Variants in ZNF248 observed in about 807,000 individuals in gnomAD.
ZNF248 encodes the protein zinc finger protein 248, also known as KRAB protein domain.
In ZNF248, 20 loss-of-function variants were observed where a neutral mutation model predicts 44.3. The ratio of observed to expected loss-of-function variants is 0.45; its 90% CI spans 0.32 to 0.66. The LOEUF (loss-of-function observed/expected upper bound fraction) is 0.66. ZNF248 is among the 30% of genes least tolerant of loss of function. ZNF248 has a pLI of 0.04. For synonymous variants in ZNF248, 224 were observed against 229.0 expected (o/e 0.98, Z 0.20); for missense variants, 654 against 677.0 (o/e 0.97, Z 0.38).
At chr10:37,819,475 T>G in intron 6 of ZNF248, 1 of 1,500,174 alleles carries the variant, frequency 6.7e-7, no homozygotes, top group Middle Eastern at 2.3e-4. Context: ...TTTGCTCTAT[T>G]AGTTCAAATG....
Position 37,829,236 on chromosome 10 carries a change from G to A in ZNF248, c.*2379C>T. 11 of 985,418 alleles carry A rather than the reference G, an allele frequency of 1.1e-5. No homozygotes were observed. The highest frequency in any genetic ancestry group is 1.3e-5 in the Non-Finnish European group (11 of 829,964). 61.0% of individuals were successfully genotyped at this position (985,418 alleles called of 1,614,324 possible). A position where few individuals can be genotyped will look rare whatever the true frequency, so the allele number is the denominator to read the frequency against. On this transcript the variant is annotated 3_prime_UTR_variant, in exon 6 of 6. Coordinates refer to ENST00000395867, the MANE Select transcript of ZNF248 (RefSeq NM_021045.3). ...ATGACAGCAGTTCTTACTGGGCTCT[G>A]GTAACACTGTTTCCCTCCTTGCCCT...
intron 5 of ZNF248, among the ~76,000 whole-genome samples, chr10:37,835,719 C>T (rs1042895902): frequency 2.0e-5 from 3 of 152,146 alleles, no homozygotes; most frequent in Admixed American, 1.3e-4. Flanking sequence ...GCTGCAACCA[C>T]GACCATATGT....
chr10:37,836,781 C>G (rs1160024760), intron 5 of ZNF248, among the ~76,000 whole-genome samples: 1 of 132,186 alleles, frequency 7.6e-6, no homozygotes, highest in Non-Finnish European at 1.8e-5. Context: ...TACACACACA[C>G]ACACACACAC....
chr10:37,822,012 G>A (rs1436119300), intron 6 of ZNF248, among the ~76,000 whole-genome samples: 1 of 152,154 alleles, frequency 6.6e-6, no homozygotes, highest in Non-Finnish European at 1.5e-5. Flanking sequence ...AGAGGCTGGA[G>A]ACAACATAAG....
At position 37,849,351 on chromosome 10, in the gene ZNF248, G is replaced by GT. The variant is rs1218070935; in HGVS notation, c.15+6944dup. Among the ~76,000 whole-genome samples, 24 of 151,828 alleles carry GT rather than the reference G, an allele frequency of 1.6e-4. 1 individual carries two copies. Among genetic ancestry groups the GT allele is most frequent in the South Asian group, 1.3e-3 (6 of 4,778 alleles). On this transcript the variant is annotated intron_variant, in intron 3 of 5. Transcript: ENST00000395867. ...AGAAATTTAAAAACATGGTTAAATT[G>GT]TAAGATTTTCACAAATGGTGAAAAA...
At chr10:37,845,940 T>C (rs143036822) in intron 3 of ZNF248, among the ~76,000 whole-genome samples, 2 of 152,316 alleles carry the variant, frequency 1.3e-5, no homozygotes, top group African/African-American at 4.8e-5. Context: ...AATAAGAACA[T>C]GCACGCACTG....
the ZNF248 span, among the ~76,000 whole-genome samples, chr10:37,771,008 A>G: frequency 6.6e-6 from 1 of 152,232 alleles, no homozygotes; most frequent in East Asian, 1.9e-4. Flanking sequence ...GCAGCCAAAA[A>G]ACACATGAAA....
intron 3 of ZNF248, among the ~76,000 whole-genome samples, chr10:37,842,752 T>C (rs894131029): frequency 6.6e-6 from 1 of 152,162 alleles, no homozygotes; most frequent in African/African-American, 2.4e-5. Context: ...GGTTGAGACA[T>C]ATAGTATACC....
chr10:37,809,347 G>C (rs1270177758), intron 6 of ZNF248, among the ~76,000 whole-genome samples: 1 of 152,080 alleles, frequency 6.6e-6, no homozygotes, highest in Non-Finnish European at 1.5e-5. Context: ...GCATGATCTT[G>C]GCTCACTACA....
chr10:37,788,688 A>C (rs2048167533), intron 6 of ZNF248, among the ~76,000 whole-genome samples: 1 of 152,212 alleles, frequency 6.6e-6, no homozygotes, highest in Admixed American at 6.5e-5. Flanking sequence ...AGTACAAATT[A>C]AACATACAAT....
At chr10:37,850,869 A>G (rs919175536) in intron 3 of ZNF248, among the ~76,000 whole-genome samples, 1 of 152,122 alleles carries the variant, frequency 6.6e-6, no homozygotes, top group Non-Finnish European at 1.5e-5. Context: ...ACAAAAAAAA[A>G]GAGAAAATCT....
intron 6 of ZNF248, among the ~76,000 whole-genome samples, chr10:37,804,962 A>T (rs2050353843): frequency 6.6e-6 from 1 of 152,178 alleles, no homozygotes; most frequent in Non-Finnish European, 1.5e-5. Context: ...TTTTATTTTA[A>T]TTTAGAAGGA....
At position 37,829,306 on chromosome 10, in the gene ZNF248, G is replaced by A. The variant is rs905294981; in HGVS notation, c.*2309C>T. On this transcript the variant is annotated 3_prime_UTR_variant, in exon 6 of 6. Transcript: ENST00000395867. ...TGGCTTCCTGCTGATACAAGTCTCT[G>A]GGTGTTTCACTGTCCCTTGTTTCTG... 13 of 985,298 alleles carry A rather than the reference G, an allele frequency of 1.3e-5. No individual in the cohort carries two copies. Among genetic ancestry groups the A allele is most frequent in the Non-Finnish European group, 1.6e-5 (13 of 829,880 alleles). The allele number at this position is 985,298 out of a possible 1,614,324, so 61.0% of individuals were successfully genotyped here. A position where few individuals can be genotyped will look rare whatever the true frequency, so the allele number is the denominator to read the frequency against.
intron 3 of ZNF248, among the ~76,000 whole-genome samples, chr10:37,852,619 A>G (rs1433150590): frequency 6.6e-6 from 1 of 151,432 alleles, no homozygotes; most frequent in Non-Finnish European, 1.5e-5. Flanking sequence ...GGGTGACAGA[A>G]TAAGACCCTA....
intron 6 of ZNF248, among the ~76,000 whole-genome samples, chr10:37,815,466 T>C (rs539652386): frequency 3.3e-5 from 5 of 152,040 alleles, no homozygotes; most frequent in African/African-American, 4.8e-5. Flanking sequence ...TCTAGCAAAG[T>C]TGTTGTACTT....
At chr10:37,858,034 G>A (rs1484556148), upstream of ZNF248, 2 of 152,288 alleles carry the variant, frequency 1.3e-5, no homozygotes, top group Non-Finnish European at 2.9e-5. Flanking sequence ...CCGGAGGCGA[G>A]GGATTGTTTC....
intron 5 of ZNF248, among the ~76,000 whole-genome samples, chr10:37,834,647 T>C (rs1278075063): frequency 6.6e-6 from 1 of 152,206 alleles, no homozygotes; most frequent in Admixed American, 6.5e-5. Context: ...GTTTTTGGCA[T>C]ACAGCCACTG....
intron 3 of ZNF248, among the ~76,000 whole-genome samples, chr10:37,841,026 T>C (rs542421891): frequency 1.3e-5 from 2 of 152,322 alleles, no homozygotes; most frequent in South Asian, 4.1e-4. Context: ...CAAAGGAAGA[T>C]TCAGATGAAA....
At chr10:37,850,007 G>C (rs1365964710) in intron 3 of ZNF248, among the ~76,000 whole-genome samples, 1 of 151,900 alleles carries the variant, frequency 6.6e-6, no homozygotes, top group Admixed American at 6.6e-5. Flanking sequence ...GGGGGCAGAG[G>C]TTGCAATGAG....
Sources: gnomAD v4.1 joint callset for allele counts (sites outside exome capture counted in the v4.1 genomes callset) on GRCh38, gnomAD v4.1.1 for gene constraint, MANE v1.5 for transcripts, NCBI Gene and HGNC (gene_info 2026-07-23, HGNC 2026-07-21) for gene names.